Variants in RBFOX1 observed in about 807,000 individuals in gnomAD.
RBFOX1 encodes the protein RNA binding fox-1 homolog 1.
Under a neutral mutation model 57.7 loss-of-function variants are expected in RBFOX1, and 8 were observed. The observed-to-expected ratio is 0.14, with a 90% CI of 0.08 to 0.25. The LOEUF is 0.25. Ranked by LOEUF, RBFOX1 falls within the 10% of genes least tolerant of loss-of-function variation. The pLI is 1.00. For missense variants in RBFOX1, 611 were observed against 548.5 expected, an observed-to-expected ratio of 1.11 and a Z score of -1.14; for synonymous variants, 326 against 222.4, an observed-to-expected ratio of 1.47 and a Z score of -4.15.
At chr16:7,507,166 AG>A (rs2073601018) in intron 4 of RBFOX1, among the ~76,000 whole-genome samples, 1 of 152,214 alleles carries the variant, frequency 6.6e-6, no homozygotes, top group African/African-American at 2.4e-5. Context: ...CAGCATTAAA[AG>A]GTTAGATAGT....
chr16:7,470,277 G>A (rs555137901), intron 4 of RBFOX1, among the ~76,000 whole-genome samples: 1 of 152,286 alleles, frequency 6.6e-6, no homozygotes, highest in South Asian at 2.1e-4. Flanking sequence ...CACATCCTTA[G>A]TGCAGGTGCC....
intron 1 of RBFOX1, among the ~76,000 whole-genome samples, chr16:5,445,388 C>G (rs2068211369): frequency 6.6e-6 from 1 of 152,176 alleles, no homozygotes; most frequent in African/African-American, 2.4e-5. Flanking sequence ...CTTTGCTTGA[C>G]TGTGAGCTCC....
At chr16:5,740,190 C>T (rs72766908) in intron 3 of RBFOX1, among the ~76,000 whole-genome samples, 7 of 152,150 alleles carry the variant, frequency 4.6e-5, no homozygotes, top group African/African-American at 1.4e-4. Context: ...TCTTTACCAT[C>T]TGGGGGCTCC....
intron 4 of RBFOX1, among the ~76,000 whole-genome samples, chr16:7,460,992 G>A (rs1006423225): frequency 8.5e-5 from 13 of 152,114 alleles, no homozygotes; most frequent in Non-Finnish European, 1.2e-4. Flanking sequence ...GGAGAAGCTC[G>A]ACTCCCTTGA....
intron 4 of RBFOX1, among the ~76,000 whole-genome samples, chr16:5,967,678 C>G (rs537567961): frequency 3.9e-5 from 6 of 152,268 alleles, no homozygotes; most frequent in Admixed American, 3.3e-4. Flanking sequence ...TTTTATCTAT[C>G]TCTTCTTCTT....
At chr16:5,621,636 C>T (rs1050478506) in intron 3 of RBFOX1, among the ~76,000 whole-genome samples, 1 of 152,092 alleles carries the variant, frequency 6.6e-6, no homozygotes, top group African/African-American at 2.4e-5. Context: ...ATTCTTAAAC[C>T]CCTATCAACT....
intron 2 of RBFOX1, among the ~76,000 whole-genome samples, chr16:5,591,046 A>G (rs9939147): frequency 0.2 from 29,935 of 151,718 alleles, 3,294 homozygotes; most frequent in East Asian, 0.32. Context: ...AAATGGCAAG[A>G]AATGAAGCCT....
chr16:6,750,350 C>G (rs1212339364), intron 3 of RBFOX1, among the ~76,000 whole-genome samples: 3 of 152,024 alleles, frequency 2.0e-5, no homozygotes, highest in Non-Finnish European at 4.4e-5. Context: ...GTGATAGATG[C>G]CTTATTATGG....
chr16:5,459,084 C>T (rs901179074), intron 1 of RBFOX1, among the ~76,000 whole-genome samples: 1 of 152,190 alleles, frequency 6.6e-6, no homozygotes, highest in African/African-American at 2.4e-5. Context: ...CCTTGTTGCT[C>T]ACCATGCCCT....
At chr16:6,560,231 G>A (rs1174483559) in intron 2 of RBFOX1, among the ~76,000 whole-genome samples, 1 of 150,908 alleles carries the variant, frequency 6.6e-6, no homozygotes, top group Non-Finnish European at 1.5e-5. Flanking sequence ...TAGTTGGGGG[G>A]AAAAACAATG....
intron 4 of RBFOX1, among the ~76,000 whole-genome samples, chr16:7,221,990 C>G (rs929392038): frequency 1.3e-5 from 2 of 152,188 alleles, no homozygotes; most frequent in Admixed American, 1.3e-4. Flanking sequence ...AGGAGAGAGG[C>G]AGCATTTTAT....
intron 4 of RBFOX1, among the ~76,000 whole-genome samples, chr16:5,952,102 C>T (rs565307018): frequency 6.8e-6 from 1 of 148,140 alleles, no homozygotes; most frequent in Non-Finnish European, 1.5e-5. Flanking sequence ...TATATATATA[C>T]ACACATATAT....
At chr16:6,840,375 C>A (rs368467920) in intron 3 of RBFOX1, among the ~76,000 whole-genome samples, 1 of 152,134 alleles carries the variant, frequency 6.6e-6, no homozygotes, top group South Asian at 2.1e-4. Flanking sequence ...TTCAGGATTC[C>A]TGCGTTGGTT....
intron 4 of RBFOX1, among the ~76,000 whole-genome samples, chr16:7,070,525 G>A (rs886809485): frequency 2.0e-5 from 3 of 152,040 alleles, no homozygotes; most frequent in Non-Finnish European, 4.4e-5. Context: ...ACATCTTTAC[G>A]CCAAAGGCAT....
At chr16:5,900,003 A>G (rs1207253834) in intron 4 of RBFOX1, among the ~76,000 whole-genome samples, 42 of 152,196 alleles carry the variant, frequency 2.8e-4, no homozygotes, top group Admixed American at 2.7e-3. Context: ...GCTTGAACCC[A>G]GGAACTGGAG....
chr16:5,912,420 C>G (rs972388084), intron 4 of RBFOX1, among the ~76,000 whole-genome samples: 4 of 152,122 alleles, frequency 2.6e-5, no homozygotes, highest in African/African-American at 9.7e-5. Context: ...AGGAGTCTAC[C>G]CTGAGAACAG....
chr16:5,444,106 G>T (rs569463984), intron 1 of RBFOX1, among the ~76,000 whole-genome samples: 13 of 58,810 alleles, frequency 2.2e-4, no homozygotes, highest in Admixed American at 3.7e-4. Context: ...TGACACTGAG[G>T]CATTTGAAAC....
intron 4 of RBFOX1, among the ~76,000 whole-genome samples, chr16:7,234,249 T>C (rs2093654337): frequency 6.6e-6 from 1 of 151,912 alleles, no homozygotes; most frequent in African/African-American, 2.4e-5. Flanking sequence ...TCAGGCCAGG[T>C]AATGAATAAC....
intron 3 of RBFOX1, among the ~76,000 whole-genome samples, chr16:5,656,441 C>A (rs1205897673): frequency 6.6e-6 from 1 of 152,136 alleles, no homozygotes; most frequent in Admixed American, 6.5e-5. Context: ...ATTTAAGCCA[C>A]TTTACTAAGG....
Sources: gnomAD v4.1 joint callset for allele counts (sites outside exome capture counted in the v4.1 genomes callset) on GRCh38, gnomAD v4.1.1 for gene constraint, MANE v1.5 for transcripts, NCBI Gene and HGNC (gene_info 2026-07-23, HGNC 2026-07-21) for gene names.